ULK3: variants seen among roughly 807,000 people sequenced by gnomAD.
The protein encoded by ULK3 is serine/threonine-protein kinase ULK3.
Under a neutral mutation model 69.4 loss-of-function variants are expected in ULK3, and 54 were observed. The observed-to-expected ratio is 0.78, with a 90% confidence interval of 0.63 to 0.98. The LOEUF is 0.98. ULK3 is among the 50% of genes least tolerant of loss of function. ULK3 has a pLI of 0.00. For missense variants in ULK3, 558 were observed against 627.7 expected (o/e 0.89, Z 1.19); for synonymous variants, 240 against 254.5 (o/e 0.94, Z 0.54).
chr15:74,839,760 C>A lies in ULK3; in HGVS notation c.697-47G>T, dbSNP rs779644942. 16 of 1,475,658 alleles carry A rather than the reference C, an allele frequency of 1.1e-5. No homozygotes were observed. The African/African-American group carries it at 2.1e-4, about 19-fold the overall frequency. 91.4% of individuals were successfully genotyped at this position (1,475,658 alleles called of 1,614,324 possible). On this transcript the variant is annotated intron_variant, in intron 6 of 15. Transcript: ENST00000440863. ...GGACAGATCACACTGGGCTCCTCCACCCCTACCCCTAGCCCAGGGGTCTGC... is the reference window on the plus strand; with the variant it reads ...GGACAGATCACACTGGGCTCCTCCAACCCTACCCCTAGCCCAGGGGTCTGC...
rs1596407480 is a variant in ULK3, at chr15:74,842,863, A to G, written c.102+141T>C. The G allele has an allele frequency of 1.5e-6, 2 of 1,310,926 alleles. No individual in the cohort carries two copies. The highest frequency in any genetic ancestry group is 2.1e-6 in the Non-Finnish European group (2 of 974,370). 81.2% of individuals were successfully genotyped at this position (1,310,926 alleles called of 1,614,324 possible). A position where few individuals can be genotyped will look rare whatever the true frequency, so the allele number is the denominator to read the frequency against. On this transcript the variant is annotated intron_variant, in intron 1 of 15. Coordinates refer to ENST00000440863, the MANE Select transcript of ULK3 (RefSeq NM_001099436.4). This position sits in a 1 kb window ranked among gnomAD's most constrained non-coding sequence, Gnocchi z 4.9. Reference sequence around the variant, plus strand: ...GACCTAAGCGTGGCAGTCGGCTCCAACCTCCGCCGAGGGTCAGCTGGGGCG... The same window carrying G: ...GACCTAAGCGTGGCAGTCGGCTCCAGCCTCCGCCGAGGGTCAGCTGGGGCG...
In ULK3 at chr15:74,839,668, G is replaced by A; in HGVS notation, c.742C>T (p.Gln248Ter). The part of the protein sequence containing the change: ...LLSRDCRDLL[Q>*]RLLERDPSRR... ...CTGGGGTCCCGCTCCAGGAGCCGCT[G>A]CAGTAGGTCCCGGCAGTCTCGGGAG... Residue 248 changes from glutamine (Q) to a stop codon, truncating the protein, a stop_gained, in exon 7 of 16, where the codon CAG becomes TAG. Transcript: ENST00000440863. LOFTEE classifies it high-confidence loss of function. 1 of 1,554,748 alleles carries A rather than the reference G, an allele frequency of 6.4e-7. No individual in the cohort carries two copies.
rs767789636 is a variant in ULK3 at position 74,842,198 on chromosome 15, G to C, written c.244-3C>G. On this transcript the variant is annotated splice_region_variant and splice_polypyrimidine_tract_variant and intron_variant, in intron 2 of 15. Coordinates refer to ENST00000440863, the MANE Select transcript of ULK3 (RefSeq NM_001099436.4). This position sits in a 1 kb window ranked among gnomAD's most constrained non-coding sequence, Gnocchi z 4.9. ...AGGTAGATATTGTCACTGTCCCACT[G>C]TGTTTAGAGGCAGAGAGGCGGCCTG... 6.2e-7 allele frequency: 1 copy of C among 1,614,018 alleles called. No homozygotes were observed. The highest frequency in any genetic ancestry group is 8.5e-7 in the Non-Finnish European group (1 of 1,179,890).
chr15:74,842,229 A>T lies in ULK3; in HGVS notation c.244-34T>A, dbSNP rs558201103. 7 of 1,613,934 alleles carry T rather than the reference A, an allele frequency of 4.3e-6. No homozygotes were observed. The African/African-American group carries it at 8.0e-5, about 18-fold the overall frequency. On this transcript the variant is annotated intron_variant, in intron 2 of 15. Coordinates refer to ENST00000440863, the MANE Select transcript of ULK3 (RefSeq NM_001099436.4). The surrounding 1 kb of genome is among the most constrained non-coding windows in gnomAD (Gnocchi z 4.9). ...AGAGGCAGAGAGGCGGCCTGAAGAGAGTGTCCCTTCTCCAGCTCCCTTTGG... is the reference window on the plus strand; with the variant it reads ...AGAGGCAGAGAGGCGGCCTGAAGAGTGTGTCCCTTCTCCAGCTCCCTTTGG...
At position 74,840,110 on chromosome 15, in the gene ULK3, C is replaced by G. The variant is rs1013358450; in HGVS notation, c.696+124G>C. 6 of 1,223,964 alleles carry G rather than the reference C, an allele frequency of 4.9e-6. No individual in the cohort carries two copies. The African/African-American group carries it at 9.0e-5, about 18-fold the overall frequency. 75.8% of individuals were successfully genotyped at this position (1,223,964 alleles called of 1,614,324 possible). On this transcript the variant is annotated intron_variant, in intron 6 of 15. Coordinates refer to ENST00000440863, the MANE Select transcript of ULK3 (RefSeq NM_001099436.4). ...CCTCGACTTCCAGCCTAGAACCTGC[C>G]CCTCCACCACAAAGGCAGCCTGGAG...
At position 74,842,785 on chromosome 15, in the gene ULK3, G is replaced by A; in HGVS notation, c.102+219C>T. On this transcript the variant is annotated intron_variant, in intron 1 of 15. Coordinates refer to ENST00000440863, the MANE Select transcript of ULK3 (RefSeq NM_001099436.4). The surrounding 1 kb of genome is among the most constrained non-coding windows in gnomAD (Gnocchi z 4.9). ...CCCAGCCCACCAGGTAACCTGTTTT[G>A]AGCCTGTTCTTCAGCCACTGACCCT... 1 of 1,472,384 alleles carries A rather than the reference G, an allele frequency of 6.8e-7. No individual in the cohort carries two copies. Among genetic ancestry groups the A allele is most frequent in the Non-Finnish European group, 9.0e-7 (1 of 1,107,196 alleles). The allele number at this position is 1,472,384 out of a possible 1,614,324, so 91.2% of individuals were successfully genotyped here. A position where few individuals can be genotyped will look rare whatever the true frequency, so the allele number is the denominator to read the frequency against.
At chr15:74,840,198 G>GC (rs769168883) in intron 6 of ULK3, 36 bp downstream of exon 6, 28 of 1,578,888 alleles carry the variant, frequency 1.8e-5, no homozygotes, top group Non-Finnish European at 1.9e-5. Flanking sequence ...GACTCCCTCT[G>GC]CCCCCCAGTG....
Position 74,840,777 on chromosome 15 carries a change from T to G in ULK3, c.470-136A>C, listed in dbSNP as rs557100251. 5.3e-5 allele frequency: 65 copies of G among 1,225,322 alleles called. No homozygotes were observed. In the East Asian group the frequency reaches 1.2e-3, roughly 22 times the overall value. 75.9% of individuals were successfully genotyped at this position (1,225,322 alleles called of 1,614,324 possible). A position where few individuals can be genotyped will look rare whatever the true frequency, so the allele number is the denominator to read the frequency against. The stretch of plus-strand genomic sequence containing the variant: ...CCTATTTCCAAGCCTCTGCTCATCA[T>G]TAGGCTGGAACACCCTCCTATATCT... On this transcript the variant is annotated intron_variant, in intron 4 of 15. Coordinates refer to ENST00000440863, the MANE Select transcript of ULK3 (RefSeq NM_001099436.4).
rs748451860 is a variant in ULK3, at chr15:74,838,726, C to T, written c.1019G>A (p.Arg340Gln). ...GACGATGGCCTTGAGCTCCTCAGCC[C>T]GGGACACGTACTGCCCCACCTGTAG... Reference protein sequence around the residue: ...IKAKVGQYVSRAEELKAIVSS... With the variant: ...IKAKVGQYVSQAEELKAIVSS... Residue 340 changes from arginine to glutamine, a missense_variant, in exon 10 of 16, where the codon CGG (arginine) becomes CAG (glutamine). Arg to Gln is a conservative substitution (Grantham distance 43). Coordinates refer to ENST00000440863, the MANE Select transcript of ULK3 (RefSeq NM_001099436.4). 4 of 1,610,600 alleles carry T rather than the reference C, an allele frequency of 2.5e-6. No individual in the cohort carries two copies. The highest frequency in any genetic ancestry group is 1.7e-6 in the Non-Finnish European group (2 of 1,178,318).
chr15:74,842,901 C>T lies in ULK3; in HGVS notation c.102+103G>A. 1.4e-6 allele frequency: 2 copies of T among 1,381,842 alleles called. No individual in the cohort carries two copies. Among genetic ancestry groups the T allele is most frequent in the South Asian group, 1.4e-5 (1 of 71,822 alleles). 85.6% of individuals were successfully genotyped at this position (1,381,842 alleles called of 1,614,324 possible). A position where few individuals can be genotyped will look rare whatever the true frequency, so the allele number is the denominator to read the frequency against. ...GTCAGCTGGGGCGAGGCCGGCCTCC[C>T]GCCCCTAACTATTCCCACACTGTCG... On this transcript the variant is annotated intron_variant, in intron 1 of 15. Transcript: ENST00000440863. This position sits in a 1 kb window ranked among gnomAD's most constrained non-coding sequence, Gnocchi z 4.9.
Position 74,840,840 on chromosome 15 carries a change from C to T in ULK3, c.470-199G>A. The T allele has an allele frequency of 7.5e-6, 5 of 668,814 alleles. 1 individual carries two copies. Among genetic ancestry groups the T allele is most frequent in the South Asian group, 4.6e-5 (2 of 43,432 alleles). The allele number at this position is 668,814 out of a possible 1,614,324, so 41.4% of individuals were successfully genotyped here. ...TAAAACCTACCCATCCTTCCCAGCT[C>T]CCTTGGGCACCTTTTCCTAGGAAGC... is the stretch of plus-strand genomic sequence containing the variant. On this transcript the variant is annotated intron_variant, in intron 4 of 15. Transcript: ENST00000440863.
At position 74,839,573 on chromosome 15, in the gene ULK3, C is replaced by A; in HGVS notation, c.837G>T (p.Glu279Asp). Reference protein sequence around the residue: ...WVDLEHMPSGESLGRATALVV... With the variant: ...WVDLEHMPSGDSLGRATALVV... ...GTCTGCTCACTGCTCGCCCCAGACTCTCCCCACTGGGCATGTGCTCCAGGT... is the reference window on the plus strand; with the variant it reads ...GTCTGCTCACTGCTCGCCCCAGACTATCCCCACTGGGCATGTGCTCCAGGT... Residue 279 changes from glutamate to aspartate, a missense_variant, in exon 7 of 16, where the codon GAG becomes GAT. Coordinates refer to ENST00000440863, the MANE Select transcript of ULK3 (RefSeq NM_001099436.4). 6.4e-7 allele frequency: 1 copy of A among 1,561,952 alleles called. No homozygotes were observed. The highest frequency in any genetic ancestry group is 1.4e-5 in the African/African-American group (1 of 73,674).
In ULK3 at chr15:74,838,952, C is replaced by T. The variant is rs1410093438; in HGVS notation, c.999+58G>A. On this transcript the variant is annotated intron_variant, in intron 9 of 15. Transcript: ENST00000440863. ...AAGAGAGCCATTCCCCAGAGGCCCC[C>T]GAGATCTCCGGGCCTTACCCCCTGC... is the stretch of plus-strand genomic sequence containing the variant. 14 of 1,556,386 alleles carry T rather than the reference C, an allele frequency of 9.0e-6. No individual in the cohort carries two copies. In the East Asian group the frequency reaches 9.5e-5, roughly 11 times the overall value.
In ULK3 at chr15:74,842,029, C is replaced by G; in HGVS notation, c.364+46G>C. On this transcript the variant is annotated intron_variant, in intron 3 of 15. Coordinates refer to ENST00000440863, the MANE Select transcript of ULK3 (RefSeq NM_001099436.4). The surrounding 1 kb of genome is among the most constrained non-coding windows in gnomAD (Gnocchi z 4.9). ...GGGGGAGGGGTGGGATGGTGGGGGG[C>G]AGAGAACAAGGGACAGAGTGTCAGG... 6.2e-7 allele frequency: 1 copy of G among 1,610,806 alleles called. No individual in the cohort carries two copies. The highest frequency in any genetic ancestry group is 8.5e-7 in the Non-Finnish European group (1 of 1,178,704).
At chr15:74,840,168 G>T in intron 6 of ULK3, 66 bp downstream of exon 6, 1 of 1,533,796 alleles carries the variant, frequency 6.5e-7, no homozygotes, top group East Asian at 2.4e-5. Context: ...TCAGAACGAG[G>T]TCTAAACCCT....
At position 74,839,312 on chromosome 15, in the gene ULK3, G is replaced by T. The variant is rs749802390; in HGVS notation, c.914C>A (p.Ser305Ter). The change falls in exon 8 of 16, where the codon TCA (serine) becomes TAA (stop). Residue 305 changes from serine to a stop codon, truncating the protein, a stop_gained. Transcript: ENST00000440863. LOFTEE classifies it high-confidence loss of function. Reference sequence around the variant, plus strand: ...GAAGTCCAGAGCCTTGCAGTAGAGTGATAAGGCAGCTGCTGAATCCCCCTC... The same window carrying T: ...GAAGTCCAGAGCCTTGCAGTAGAGTTATAAGGCAGCTGCTGAATCCCCCTC... ...DQEGDSAAALSLYCKALDFFV... is the reference protein window; with the variant it reads ...DQEGDSAAAL 1 of 1,566,924 alleles carries T rather than the reference G, an allele frequency of 6.4e-7. No homozygotes were observed. Among genetic ancestry groups the T allele is most frequent in the Non-Finnish European group, 8.7e-7 (1 of 1,155,284 alleles).
intron 14 of ULK3, 92 bp from the exon 15 acceptor site, chr15:74,837,527 A>G (rs1217902516): frequency 1.1e-6 from 1 of 928,378 alleles, no homozygotes; most frequent in Non-Finnish European, 1.7e-6. Flanking sequence ...GGACGGGGAC[A>G]CGAGCCACAG....
In ULK3 at chr15:74,843,039, C is replaced by T; in HGVS notation, c.67G>A (p.Gly23Ser). The change falls in exon 1 of 16, where the codon GGC becomes AGC. Residue 23 changes from glycine to serine, a missense_variant. Gly to Ser is a moderately conservative substitution (Grantham distance 56). Coordinates refer to ENST00000440863, the MANE Select transcript of ULK3 (RefSeq NM_001099436.4). ...GFILTERLGSGTYATVYKAYA... is the reference protein window; with the variant it reads ...GFILTERLGSSTYATVYKAYA... The stretch of plus-strand genomic sequence containing the variant: ...GCCTTGTACACCGTGGCGTACGTGC[C>T]GCTGCCCAGGCGCTCGGTGAGGATG... 2.0e-6 allele frequency: 3 copies of T among 1,527,796 alleles called. No individual in the cohort carries two copies. The highest frequency in any genetic ancestry group is 1.8e-6 in the Non-Finnish European group (2 of 1,135,646). 94.6% of individuals were successfully genotyped at this position (1,527,796 alleles called of 1,614,324 possible).
chr15:74,839,335 CT>C lies in ULK3; in HGVS notation c.890del (p.Glu297GlyfsTer60). 1 of 1,567,410 alleles carries C rather than the reference CT, an allele frequency of 6.4e-7. No individual in the cohort carries two copies. The highest frequency in any genetic ancestry group is 8.7e-7 in the Non-Finnish European group (1 of 1,155,534). On this transcript the variant is annotated frameshift_variant, in exon 8 of 16. Transcript: ENST00000440863. LOFTEE classifies it high-confidence loss of function. The stretch of plus-strand genomic sequence containing the variant: ...GTGATAAGGCAGCTGCTGAATCCCC[CT>C]CCTGGTCTTTCTTCACAGCCTGCAC... ...LVVQAVKKDQEGDSAAALSLY... is the reference protein window; with the variant it reads ...LVVQAVKKDQXGDSAAALSLY...
Sources: allele counts gnomAD v4.1 joint callset, GRCh38; gene constraint gnomAD v4.1.1; non-coding constraint Gnocchi (gnomAD v3.1); transcripts MANE v1.5; gene names NCBI Gene and HGNC (gene_info 2026-07-23, HGNC 2026-07-21).